PRKG1: variants seen among roughly 807,000 people sequenced by gnomAD.
PRKG1 encodes the protein protein kinase cGMP-dependent 1.
A neutral mutation model predicts 88.1 loss-of-function variants in PRKG1; 35 were observed. That is an observed-to-expected ratio of 0.40 (90% CI 0.30 to 0.53). The LOEUF (loss-of-function observed/expected upper bound fraction) is 0.53. Among genes scored for constraint, PRKG1 ranks in the 20% least tolerant of loss-of-function variants. The pLI is 0.59. For synonymous variants in PRKG1, 303 were observed against 292.5 expected (o/e 1.04, Z -0.37); for missense variants, 540 against 839.8 (o/e 0.64, Z 4.41).
At chr10:51,628,122 CTCTTTCTT>C (rs11269617) in intron 3 of PRKG1, among the ~76,000 whole-genome samples, 5,493 of 116,482 alleles carry the variant, frequency 0.047, 158 homozygotes, top group African/African-American at 0.074. Context: ...TTCTTTATTT[CTCTTTCTT>C]TCTTTCTTTC....
intron 9 of PRKG1, among the ~76,000 whole-genome samples, chr10:52,192,864 G>A (rs918727246): frequency 2.0e-4 from 31 of 152,108 alleles, no homozygotes; most frequent in Admixed American, 8.5e-4. Context: ...ATAGTAAGCT[G>A]TAGATTTTTT....
intron 1 of PRKG1, among the ~76,000 whole-genome samples, chr10:51,143,227 G>T (rs1845863572): frequency 6.6e-6 from 1 of 152,010 alleles, no homozygotes; most frequent in South Asian, 2.1e-4. Flanking sequence ...GTGAGATCGT[G>T]TGGTATTCAT....
chr10:51,804,251 C>T (rs1337023440), intron 3 of PRKG1, among the ~76,000 whole-genome samples: 3 of 151,972 alleles, frequency 2.0e-5, no homozygotes, highest in East Asian at 1.9e-4. Context: ...TTTTTCTTCA[C>T]GCTATTTTCT....
At chr10:51,850,342 A>G (rs1224806534) in intron 4 of PRKG1, among the ~76,000 whole-genome samples, 1 of 152,084 alleles carries the variant, frequency 6.6e-6, no homozygotes, top group Non-Finnish European at 1.5e-5. Context: ...ACACCCAGCT[A>G]ATTTTTGTAT....
chr10:51,139,074 T>C (rs1207453803), intron 1 of PRKG1, among the ~76,000 whole-genome samples: 1 of 152,166 alleles, frequency 6.6e-6, no homozygotes, highest in Non-Finnish European at 1.5e-5. Context: ...TAGTGTGGTA[T>C]GTGTGTGTTT....
chr10:52,011,836 G>A (rs923621460), intron 5 of PRKG1, among the ~76,000 whole-genome samples: 2 of 152,112 alleles, frequency 1.3e-5, no homozygotes, highest in South Asian at 2.1e-4. Context: ...ATGGGGGCAG[G>A]TCTTATGCTG....
At chr10:51,138,679 T>TG (rs1281307107) in intron 1 of PRKG1, among the ~76,000 whole-genome samples, 1 of 123,392 alleles carries the variant, frequency 8.1e-6, no homozygotes, top group African/African-American at 3.0e-5. Flanking sequence ...AGTTTTGTTT[T>TG]TTTTTTTTTT....
chr10:51,350,170 G>C (rs1435391666), intron 2 of PRKG1, among the ~76,000 whole-genome samples: 2 of 152,114 alleles, frequency 1.3e-5, no homozygotes, highest in African/African-American at 4.8e-5. Context: ...AGTGGAGCTG[G>C]ACCAGTTATG....
intron 3 of PRKG1, among the ~76,000 whole-genome samples, chr10:51,601,579 C>A (rs1310001952): frequency 1.3e-5 from 2 of 152,062 alleles, no homozygotes; most frequent in African/African-American, 4.8e-5. Flanking sequence ...TATCCCTTTC[C>A]TGCCTTTTCT....
intron 1 of PRKG1, among the ~76,000 whole-genome samples, chr10:51,005,963 G>C (rs545759646): frequency 7.2e-5 from 11 of 152,262 alleles, no homozygotes; most frequent in Admixed American, 1.3e-4. Context: ...TAGAGATATG[G>C]GTTAGGGGCT....
At chr10:51,257,995 G>T (rs1839609060) in intron 2 of PRKG1, among the ~76,000 whole-genome samples, 1 of 152,152 alleles carries the variant, frequency 6.6e-6, no homozygotes, top group South Asian at 2.1e-4. Context: ...ACGAGCTAAA[G>T]CCTGGACCTA....
chr10:51,409,428 C>T (rs139359569), intron 2 of PRKG1, among the ~76,000 whole-genome samples: 440 of 152,228 alleles, frequency 2.9e-3, no homozygotes, highest in African/African-American at 9.9e-3. Context: ...AATGCTGCTG[C>T]GCACAACCCG....
chr10:51,401,065 A>C (rs1016498422), intron 2 of PRKG1, among the ~76,000 whole-genome samples: 1 of 152,232 alleles, frequency 6.6e-6, no homozygotes, highest in African/African-American at 2.4e-5. Context: ...AACACAAGCT[A>C]TGTATGTAAC....
chr10:52,292,526 T>C (rs1842275766), intron 17 of PRKG1, among the ~76,000 whole-genome samples: 3 of 152,110 alleles, frequency 2.0e-5, no homozygotes, highest in African/African-American at 7.2e-5. Flanking sequence ...GGGAATCGTT[T>C]CCCCATTGCT....
chr10:51,585,996 G>A (rs1394104380), intron 3 of PRKG1, among the ~76,000 whole-genome samples: 1 of 152,040 alleles, frequency 6.6e-6, no homozygotes, highest in Non-Finnish European at 1.5e-5. Context: ...AGGGCAAGAG[G>A]ACAAGGTTCA....
intron 1 of PRKG1, among the ~76,000 whole-genome samples, chr10:51,032,858 A>T (rs1425773239): frequency 1.3e-5 from 2 of 152,128 alleles, no homozygotes; most frequent in Non-Finnish European, 2.9e-5. Context: ...TCTTATTTTT[A>T]AAAATAAAAA....
At chr10:52,224,100 A>G (rs895759756) in intron 9 of PRKG1, among the ~76,000 whole-genome samples, 1 of 152,126 alleles carries the variant, frequency 6.6e-6, no homozygotes, top group Non-Finnish European at 1.5e-5. Flanking sequence ...CTTTTTCAGA[A>G]TAAAAGGCAA....
chr10:51,891,338 C>G (rs1841715782), intron 4 of PRKG1, among the ~76,000 whole-genome samples: 1 of 152,142 alleles, frequency 6.6e-6, no homozygotes, highest in Non-Finnish European at 1.5e-5. Context: ...TTGGATCACA[C>G]ACTTCAATAC....
rs1052408187 is a variant in PRKG1 at position 50,991,281 on chromosome 10, C to T, written c.-98C>T. 1.0e-5 allele frequency: 15 copies of T among 1,446,114 alleles called. No homozygotes were observed. The highest frequency in any genetic ancestry group is 3.1e-5 in the African/African-American group (2 of 65,396). The allele number at this position is 1,446,114 out of a possible 1,614,324, so 89.6% of individuals were successfully genotyped here. ...ACTTAGCGCCCATTCACTCGCTCACCCGCGCTCTCCGCTGCCGGCTGCCGT... is the reference window on the plus strand; with the variant it reads ...ACTTAGCGCCCATTCACTCGCTCACTCGCGCTCTCCGCTGCCGGCTGCCGT... On this transcript the variant is annotated 5_prime_UTR_variant, in exon 1 of 18. Transcript: ENST00000401604. The surrounding 1 kb of genome is among the most constrained non-coding windows in gnomAD (Gnocchi z 4.5).
Sources: gnomAD v4.1 joint callset for allele counts (sites outside exome capture counted in the v4.1 genomes callset) on GRCh38, gnomAD v4.1.1 for gene constraint, Gnocchi (gnomAD v3.1) non-coding constraint, MANE v1.5 for transcripts, NCBI Gene and HGNC (gene_info 2026-07-23, HGNC 2026-07-21) for gene names.